Variants in KCNN1 observed in about 807,000 individuals in gnomAD.
KCNN1 encodes the protein small conductance calcium-activated potassium channel protein 1.
Under a neutral mutation model 44.7 loss-of-function variants are expected in KCNN1, and 20 were observed. The ratio of observed to expected loss-of-function variants is 0.45; its 90% CI spans 0.32 to 0.65. KCNN1 has a LOEUF of 0.65. KCNN1 is among the 30% of genes least tolerant of loss of function. The pLI is 0.05. For synonymous variants in KCNN1, 324 were observed against 341.7 expected (o/e 0.95, Z 0.57); for missense variants, 632 against 785.3 (o/e 0.80, Z 2.33).
At chr19:17,975,215 C>A (rs781714302) in intron 3 of KCNN1, 28 bp downstream of exon 3, 4 of 1,550,066 alleles carry the variant, frequency 2.6e-6, no homozygotes, top group Non-Finnish European at 3.6e-6. Context: ...CAGGAAGCAG[C>A]TCCTCTCCTC....
chr19:17,968,927 A>C (rs2031916765), intron 1 of KCNN1, among the ~76,000 whole-genome samples: 1 of 152,156 alleles, frequency 6.6e-6, no homozygotes, highest in South Asian at 2.1e-4. Flanking sequence ...CCTGGGCTGA[A>C]GTGATCTCCT....
intron 1 of KCNN1, among the ~76,000 whole-genome samples, 160 bp downstream of exon 1, chr19:17,967,477 G>T (rs2031854951): frequency 1.3e-5 from 2 of 152,136 alleles, no homozygotes; most frequent in Admixed American, 1.3e-4. Context: ...GGAAAGGTGG[G>T]GGGAATGAAT....
At chr19:17,961,101 G>T (rs2031664613) in intron 2 of KCNN1, among the ~76,000 whole-genome samples, 2 of 150,884 alleles carry the variant, frequency 1.3e-5, no homozygotes, top group Non-Finnish European at 2.9e-5. Context: ...CAGGAGAATT[G>T]CGTGAACCCA....
In KCNN1 at chr19:17,989,726, C is replaced by G. The variant is rs747554238; in HGVS notation, c.1181C>G (p.Ala394Gly). ...DTQLTKRVKN[A>G]AANVLRETWL... is the part of the protein sequence containing the mutation. ...TTTTTCTGGCCCCAGGTAAAAAACG[C>G]CGCTGCTAACGTTCTCAGGGAGACG... The change falls in exon 7 of 10, where the codon GCC (alanine) becomes GGC (glycine). Residue 394 changes from alanine (A) to glycine (G), a missense_variant. Physicochemically the swap from Ala to Gly is moderately conservative, Grantham distance 60 (BLOSUM62 0). This residue lies in a region of KCNN1 where 237 missense variants were observed against 253.0 expected (regional missense o/e 0.94). Transcript: ENST00000684775. 2.5e-6 allele frequency: 4 copies of G among 1,613,768 alleles called. No homozygotes were observed. Among genetic ancestry groups the G allele is most frequent in the Non-Finnish European group, 3.4e-6 (4 of 1,179,872 alleles).
At chr19:17,957,078 CAAAAAACA>C (rs2031559423) in intron 2 of KCNN1, among the ~76,000 whole-genome samples, 2 of 99,648 alleles carry the variant, frequency 2.0e-5, no homozygotes, top group South Asian at 7.7e-4. Flanking sequence ...AACAAAAAAA[CAAAAAACA>C]GAGAAAGGGA....
chr19:17,966,974 G>C (rs1173853134), upstream of KCNN1, among the ~76,000 whole-genome samples: 1 of 151,828 alleles, frequency 6.6e-6, no homozygotes, highest in South Asian at 2.1e-4. Context: ...GGGGGTTGCA[G>C]GGGGCGCCGG....
intron 4 of KCNN1, among the ~76,000 whole-genome samples, chr19:17,984,961 G>A (rs1004451302): frequency 1.3e-4 from 20 of 152,184 alleles, no homozygotes; most frequent in African/African-American, 4.3e-4. Flanking sequence ...AGTTCTTCCT[G>A]GTGTCTGTCC....
intron 3 of KCNN1, among the ~76,000 whole-genome samples, chr19:17,976,025 C>T (rs1371228270): frequency 6.6e-6 from 1 of 152,114 alleles, no homozygotes; most frequent in Non-Finnish European, 1.5e-5. Context: ...ATGTTGATAA[C>T]AGCACTGTTC....
chr19:17,962,597 C>T (rs150430681), upstream of KCNN1, among the ~76,000 whole-genome samples: 591 of 152,206 alleles, frequency 3.9e-3, 9 homozygotes, highest in Admixed American at 0.027. Flanking sequence ...CCCGAGAGCT[C>T]AGGAACAAGC....
At chr19:17,960,523 G>A (rs954631881) in intron 2 of KCNN1, among the ~76,000 whole-genome samples, 1 of 151,740 alleles carries the variant, frequency 6.6e-6, no homozygotes, top group African/African-American at 2.4e-5. Flanking sequence ...CCAGCTACTC[G>A]GGAGGCTGAG....
chr19:17,982,634 C>T (rs1334257232), intron 4 of KCNN1: 6 of 966,792 alleles, frequency 6.2e-6, no homozygotes, highest in African/African-American at 1.8e-5. Context: ...ACCGCTGCCG[C>T]CATCCCCGAC....
chr19:17,961,471 A>G (rs986840360), intron 2 of KCNN1, among the ~76,000 whole-genome samples: 2 of 152,042 alleles, frequency 1.3e-5, no homozygotes, highest in South Asian at 2.1e-4. Flanking sequence ...CCCAAGAGAT[A>G]GAGGCTGCAA....
upstream of KCNN1, among the ~76,000 whole-genome samples, chr19:17,966,485 A>G (rs191642696): frequency 6.6e-6 from 1 of 152,162 alleles, no homozygotes; most frequent in African/African-American, 2.4e-5. Flanking sequence ...GGTGATCCCA[A>G]ACTCCCTGGG....
At position 17,993,647 on chromosome 19, in the gene KCNN1, C is replaced by A; in HGVS notation, c.1377+88C>A. On this transcript the variant is annotated intron_variant, in intron 9 of 9. Transcript: ENST00000684775. The surrounding 1 kb of genome is among the most constrained non-coding windows in gnomAD (Gnocchi z 4.5). ...GGGCTCAGCTCCTGCCGGAGGAGGG[C>A]ACAAGGACCCGCTGTGGGCTGAGTG... 9.4e-7 allele frequency: 1 copy of A among 1,067,530 alleles called. No homozygotes were observed. Among genetic ancestry groups the A allele is most frequent in the Non-Finnish European group, 1.4e-6 (1 of 690,396 alleles). The allele number at this position is 1,067,530 out of a possible 1,614,324, so 66.1% of individuals were successfully genotyped here.
chr19:17,967,500 C>A (rs1045097729), intron 1 of KCNN1, among the ~76,000 whole-genome samples, 183 bp downstream of exon 1: 2 of 152,058 alleles, frequency 1.3e-5, no homozygotes, highest in Non-Finnish European at 2.9e-5. Flanking sequence ...ATGTACATTG[C>A]CCGAGTGAGT....
At chr19:17,965,561 G>A (rs1234024053), upstream of KCNN1, among the ~76,000 whole-genome samples, 1 of 152,142 alleles carries the variant, frequency 6.6e-6, no homozygotes, top group African/African-American at 2.4e-5. Flanking sequence ...AGGGGAGACT[G>A]AGAAGGCTTG....
At chr19:17,968,939 C>G (rs76200781) in intron 1 of KCNN1, among the ~76,000 whole-genome samples, 5,411 of 152,206 alleles carry the variant, frequency 0.036, 328 homozygotes, top group African/African-American at 0.12. Context: ...TGATCTCCTG[C>G]CTTGGCCTCT....
At chr19:17,969,198 G>A (rs1455493841) in intron 1 of KCNN1, among the ~76,000 whole-genome samples, 4 of 152,120 alleles carry the variant, frequency 2.6e-5, no homozygotes, top group Non-Finnish European at 4.4e-5. Flanking sequence ...TCAGTTCTGT[G>A]CTCCAAGCTA....
intron 2 of KCNN1, among the ~76,000 whole-genome samples, chr19:17,961,406 G>C (rs71332119): frequency 6.6e-6 from 1 of 151,598 alleles, no homozygotes; most frequent in Non-Finnish European, 1.5e-5. Flanking sequence ...ATGAGACCTC[G>C]TCTCTACATT....
Sources: allele counts gnomAD v4.1 joint callset (sites outside exome capture counted in the v4.1 genomes callset), GRCh38; gene constraint gnomAD v4.1.1; regional missense constraint gnomAD v4.1.1; non-coding constraint Gnocchi (gnomAD v3.1); transcripts MANE v1.5; gene names NCBI Gene and HGNC (gene_info 2026-07-23, HGNC 2026-07-21).